The following CDS2 variants were observed in gnomAD, a reference collection of about 807,000 sequenced individuals.
The protein encoded by CDS2 is CDP-diacylglycerol synthase 2.
A neutral mutation model predicts 59.0 loss-of-function variants in CDS2; 47 were observed. The ratio of observed to expected loss-of-function variants is 0.80; its 90% CI spans 0.63 to 1.02. The LOEUF is 1.02. Ranked by LOEUF, CDS2 falls within the 50% of genes least tolerant of loss-of-function variation. CDS2 has a pLI of 0.00. For missense variants in CDS2, 356 were observed against 558.9 expected (o/e 0.64, Z 3.66); for synonymous variants, 207 against 206.4 (o/e 1.00, Z -0.02).
chr20:5,163,462 T>C (rs1388382056), intron 1 of CDS2, among the ~76,000 whole-genome samples: 1 of 152,150 alleles, frequency 6.6e-6, no homozygotes, highest in African/African-American at 2.4e-5. Flanking sequence ...GGTTTCTCCC[T>C]GTTGGTCAGG....
chr20:5,175,645 G>T (rs777191788), intron 3 of CDS2: 2 of 187,506 alleles, frequency 1.1e-5, no homozygotes, highest in Non-Finnish European at 2.2e-5. Context: ...AATTAGCCAC[G>T]CGTGGTGGCA....
At chr20:5,161,998 G>T (rs1015494386) in intron 1 of CDS2, among the ~76,000 whole-genome samples, 1 of 152,188 alleles carries the variant, frequency 6.6e-6, no homozygotes, top group Non-Finnish European at 1.5e-5. Context: ...AACAGTCAAG[G>T]TGCACATTGC....
At chr20:5,163,541 G>A (rs897664484) in intron 1 of CDS2, among the ~76,000 whole-genome samples, 6 of 151,648 alleles carry the variant, frequency 4.0e-5, no homozygotes, top group Middle Eastern at 3.4e-3. Flanking sequence ...GATTATAGGC[G>A]TGAGCCACTG....
intron 6 of CDS2, 135 bp downstream of exon 6, chr20:5,182,580 T>C: frequency 1.4e-6 from 1 of 716,302 alleles, no homozygotes; most frequent in South Asian, 1.9e-5. Flanking sequence ...ATCTAGAGCA[T>C]GAAGGAAGAA....
At chr20:5,162,818 T>C (rs2090884683) in intron 1 of CDS2, among the ~76,000 whole-genome samples, 1 of 151,948 alleles carries the variant, frequency 6.6e-6, no homozygotes, top group Non-Finnish European at 1.5e-5. Context: ...GAGAACCTGA[T>C]AAGTATGGTA....
Position 5,167,737 on chromosome 20 carries a change from G to A in CDS2, c.58-5786G>A, listed in dbSNP as rs148503931. Among the ~76,000 whole-genome samples the A allele has an allele frequency of 5.3e-5, 8 of 152,322 alleles. No homozygotes were observed. In the East Asian group the frequency reaches 1.5e-3, roughly 29 times the overall value. ...GCCCTCCCTGGCAGCTGGTCACAGG[G>A]CTTGATCTAGAAGATGGAGGCCATG... is the stretch of plus-strand genomic sequence containing the variant. On this transcript the variant is annotated intron_variant, in intron 1 of 12. Coordinates refer to ENST00000460006, the MANE Select transcript of CDS2 (RefSeq NM_003818.4).
intron 1 of CDS2, among the ~76,000 whole-genome samples, chr20:5,127,501 TC>T (rs2090564643): frequency 6.6e-6 from 1 of 152,146 alleles, no homozygotes; most frequent in African/African-American, 2.4e-5. Flanking sequence ...TGCAGAGCCT[TC>T]TTAGGGAGGC....
intron 3 of CDS2, chr20:5,175,499 CT>C (rs983173082): frequency 5.6e-5 from 25 of 449,176 alleles, no homozygotes; most frequent in African/African-American, 4.5e-4. Context: ...GTCTCAGTGT[CT>C]TTTCTTTTAA....
chr20:5,173,060 G>A (rs927096264), intron 1 of CDS2, among the ~76,000 whole-genome samples: 2 of 152,158 alleles, frequency 1.3e-5, no homozygotes, highest in Admixed American at 6.5e-5. Context: ...AGTGAAGTCC[G>A]GAAATAACAC....
chr20:5,137,963 T>C (rs1312023919), intron 1 of CDS2, among the ~76,000 whole-genome samples: 1 of 151,324 alleles, frequency 6.6e-6, no homozygotes, highest in East Asian at 2.0e-4. Flanking sequence ...CATGCCCAGC[T>C]AATTTGCATA....
chr20:5,160,800 CA>C (rs1713583296), intron 1 of CDS2, among the ~76,000 whole-genome samples: 1 of 152,154 alleles, frequency 6.6e-6, no homozygotes, highest in South Asian at 2.1e-4. Flanking sequence ...TAAGTGGAAT[CA>C]TATATTTGTC....
At chr20:5,135,854 TC>T (rs1324764431) in intron 1 of CDS2, among the ~76,000 whole-genome samples, 1 of 152,186 alleles carries the variant, frequency 6.6e-6, no homozygotes, top group Non-Finnish European at 1.5e-5. Flanking sequence ...CGCCTGCCTC[TC>T]CCCAGGGACA....
At chr20:5,129,929 A>T (rs893642311) in intron 1 of CDS2, among the ~76,000 whole-genome samples, 2 of 151,764 alleles carry the variant, frequency 1.3e-5, no homozygotes, top group Non-Finnish European at 2.9e-5. Context: ...GAAATCTATT[A>T]TTTGTCTTTG....
At position 5,184,834 on chromosome 20, in the gene CDS2, A is replaced by G; in HGVS notation, c.672-24A>G. The G allele has an allele frequency of 6.4e-7, 1 of 1,571,086 alleles. No homozygotes were observed. Among genetic ancestry groups the G allele is most frequent in the East Asian group, 2.2e-5 (1 of 44,670 alleles). ...AGGTACTGTCACCTTGCTTGAGTTG[A>G]TCCTTACTTTGGTTCATTTCTAGGT... is the stretch of plus-strand genomic sequence containing the variant. On this transcript the variant is annotated intron_variant, in intron 7 of 12. Transcript: ENST00000460006. This position sits in a 1 kb window ranked among gnomAD's most constrained non-coding sequence, Gnocchi z 4.3.
At chr20:5,189,363 C>A (rs891849131) in intron 11 of CDS2, among the ~76,000 whole-genome samples, 177 bp downstream of exon 11, 1 of 152,040 alleles carries the variant, frequency 6.6e-6, no homozygotes, top group Non-Finnish European at 1.5e-5. Flanking sequence ...CAGGAAAATG[C>A]AATCGTTGTT....
At chr20:5,173,830 G>A (rs2123041217) in intron 2 of CDS2, among the ~76,000 whole-genome samples, 171 bp downstream of exon 2, 1 of 152,308 alleles carries the variant, frequency 6.6e-6, no homozygotes, top group African/African-American at 2.4e-5. Flanking sequence ...GCTTAGCAGT[G>A]GCAGTGAGCA....
rs993967621 is a variant in CDS2 at position 5,192,058 on chromosome 20, G to A, written c.*1824G>A. Reference sequence around the variant, plus strand: ...GCCCTTACATGCTTATCCTTAAGGTGAGTAGGTATCTCAGCAGCACACCCG... The same window carrying A: ...GCCCTTACATGCTTATCCTTAAGGTAAGTAGGTATCTCAGCAGCACACCCG... On this transcript the variant is annotated 3_prime_UTR_variant, in exon 13 of 13. Transcript: ENST00000460006. 6.6e-6 allele frequency: 1 copy of A among 152,160 alleles called. No homozygotes were observed. Among genetic ancestry groups the A allele is most frequent in the Non-Finnish European group, 1.5e-5 (1 of 68,036 alleles). The allele number at this position is 152,160 out of a possible 1,614,324, so 9.4% of individuals were successfully genotyped here.
chr20:5,131,385 A>T (rs890019357), intron 1 of CDS2, among the ~76,000 whole-genome samples: 26 of 152,210 alleles, frequency 1.7e-4, no homozygotes, highest in Non-Finnish European at 3.1e-4. Context: ...CTTGGAGTTT[A>T]GGCTTTGGGA....
At chr20:5,146,639 G>A (rs1331176528) in intron 1 of CDS2, among the ~76,000 whole-genome samples, 2 of 151,982 alleles carry the variant, frequency 1.3e-5, no homozygotes, top group African/African-American at 4.8e-5. Flanking sequence ...GATTTTTTTA[G>A]CGTCTATTCT....
Sources: allele counts gnomAD v4.1 joint callset (sites outside exome capture counted in the v4.1 genomes callset), GRCh38; gene constraint gnomAD v4.1.1; non-coding constraint Gnocchi (gnomAD v3.1); transcripts MANE v1.5; gene names NCBI Gene and HGNC (gene_info 2026-07-23, HGNC 2026-07-21).